Variants in TMEM163 observed in about 807,000 individuals in gnomAD.
TMEM163 encodes transmembrane protein 163.
Under a neutral mutation model 29.3 loss-of-function variants are expected in TMEM163, and 17 were observed. The ratio of observed to expected loss-of-function variants is 0.58; its 90% CI spans 0.40 to 0.87. TMEM163 has a LOEUF of 0.87. Ranked by LOEUF, TMEM163 falls within the 40% of genes least tolerant of loss-of-function variation. The pLI is 0.00. For missense variants in TMEM163, 303 were observed against 381.5 expected (o/e 0.79, Z 1.71); for synonymous variants, 157 against 160.6 (o/e 0.98, Z 0.17).
At chr2:134,631,172 T>C (rs1489593374) in intron 2 of TMEM163, among the ~76,000 whole-genome samples, 1 of 152,124 alleles carries the variant, frequency 6.6e-6, no homozygotes, top group Non-Finnish European at 1.5e-5. Flanking sequence ...GATCTTGGAC[T>C]GGGGTGGCTA....
intron 2 of TMEM163, among the ~76,000 whole-genome samples, chr2:134,615,184 G>T (rs1341597193): frequency 1.3e-5 from 2 of 152,124 alleles, no homozygotes; most frequent in Non-Finnish European, 2.9e-5. Flanking sequence ...GTTATAACAT[G>T]TCTAAACAAG....
intron 5 of TMEM163, among the ~76,000 whole-genome samples, chr2:134,498,494 TA>T (rs1366565552): frequency 2.6e-5 from 4 of 152,140 alleles, no homozygotes; most frequent in East Asian, 1.9e-4. Context: ...CTAATTTATT[TA>T]TTTTTTTTGT....
intron 5 of TMEM163, among the ~76,000 whole-genome samples, chr2:134,483,703 C>CAA (rs1679253892): frequency 6.6e-6 from 1 of 152,006 alleles, no homozygotes; most frequent in South Asian, 2.1e-4. Context: ...ATTCAAGCGC[C>CAA]CATCTGTCTG....
At chr2:134,626,707 C>T (rs1682860443) in intron 2 of TMEM163, among the ~76,000 whole-genome samples, 1 of 152,320 alleles carries the variant, frequency 6.6e-6, no homozygotes, top group Non-Finnish European at 1.5e-5. Flanking sequence ...TTCAGCCTAT[C>T]ACAAGTATTC....
intron 2 of TMEM163, among the ~76,000 whole-genome samples, chr2:134,662,707 G>A (rs1683783348): frequency 6.6e-6 from 1 of 152,200 alleles, no homozygotes; most frequent in South Asian, 2.1e-4. Flanking sequence ...TTGCTGACCT[G>A]AAATCCACCA....
intron 6 of TMEM163, among the ~76,000 whole-genome samples, chr2:134,461,774 C>T (rs1162644969): frequency 6.6e-6 from 1 of 152,226 alleles, no homozygotes; most frequent in Non-Finnish European, 1.5e-5. Flanking sequence ...CAGCCTGGCC[C>T]ACTTCAGCCT....
chr2:134,664,245 G>A (rs893558958), intron 2 of TMEM163, among the ~76,000 whole-genome samples: 23 of 152,174 alleles, frequency 1.5e-4, no homozygotes, highest in Non-Finnish European at 2.1e-4. Flanking sequence ...TCTTCCCAGC[G>A]CCTAGCTCAG....
intron 2 of TMEM163, among the ~76,000 whole-genome samples, chr2:134,649,013 A>C (rs927896143): frequency 6.6e-6 from 1 of 152,210 alleles, no homozygotes; most frequent in African/African-American, 2.4e-5. Context: ...AAATTGAAGA[A>C]AGAACTGAAT....
At chr2:134,595,318 A>C (rs1042120315) in intron 2 of TMEM163, among the ~76,000 whole-genome samples, 1 of 151,880 alleles carries the variant, frequency 6.6e-6, no homozygotes, top group Admixed American at 6.6e-5. Flanking sequence ...CCTGTGTCCA[A>C]GTGTTCTCAT....
At chr2:134,708,717 G>C (rs531109582) in intron 2 of TMEM163, among the ~76,000 whole-genome samples, 2 of 152,184 alleles carry the variant, frequency 1.3e-5, no homozygotes, top group Admixed American at 1.3e-4. Context: ...CTCCCAAGTA[G>C]CAGAGACTAC....
intron 2 of TMEM163, among the ~76,000 whole-genome samples, chr2:134,659,892 A>G (rs60331123): frequency 0.15 from 22,881 of 151,844 alleles, 2,553 homozygotes; most frequent in African/African-American, 0.32. Flanking sequence ...AGCTACAACC[A>G]CTATACTGCA....
intron 2 of TMEM163, among the ~76,000 whole-genome samples, chr2:134,594,863 CT>C: frequency 6.6e-6 from 1 of 151,376 alleles, no homozygotes; most frequent in Non-Finnish European, 1.5e-5. Context: ...CTCTCTCTCT[CT>C]CTCTCTCTCT....
intron 2 of TMEM163, among the ~76,000 whole-genome samples, chr2:134,658,515 GT>G (rs1193012159): frequency 1.3e-5 from 2 of 152,062 alleles, no homozygotes; most frequent in African/African-American, 4.8e-5. Context: ...CTATGCCCCA[GT>G]TGTCACACTC....
intron 6 of TMEM163, among the ~76,000 whole-genome samples, chr2:134,459,500 C>T (rs898976167): frequency 1.1e-5 from 1 of 92,056 alleles, no homozygotes; most frequent in South Asian, 5.1e-4. Context: ...TTGGATTGCT[C>T]CTACTGGGAT....
At chr2:134,491,464 TCAGGAAACTTGGC>T (rs140947908) in intron 5 of TMEM163, among the ~76,000 whole-genome samples, 25,200 of 152,040 alleles carry the variant, frequency 0.17, 2,266 homozygotes, top group South Asian at 0.26. Context: ...ATTTCCTCTA[TCAGGAAACTTGGC>T]CAGTTGTATT....
chr2:134,629,637 C>G (rs542657402), intron 2 of TMEM163, among the ~76,000 whole-genome samples: 1 of 152,178 alleles, frequency 6.6e-6, no homozygotes, highest in Non-Finnish European at 1.5e-5. Flanking sequence ...TCCCCCTCTC[C>G]AATCTCTGCC....
At chr2:134,584,804 AG>A (rs1681776441) in intron 2 of TMEM163, among the ~76,000 whole-genome samples, 1 of 152,218 alleles carries the variant, frequency 6.6e-6, no homozygotes, top group Non-Finnish European at 1.5e-5. Context: ...ACAATGTGCC[AG>A]GTACTAAGCT....
chr2:134,635,196 C>G (rs114304406), intron 2 of TMEM163, among the ~76,000 whole-genome samples: 1 of 152,220 alleles, frequency 6.6e-6, no homozygotes, highest in Admixed American at 6.5e-5. Context: ...CAATTACAGT[C>G]TCTGACTCCT....
At chr2:134,681,942 G>A (rs558263338) in intron 2 of TMEM163, among the ~76,000 whole-genome samples, 67 of 152,254 alleles carry the variant, frequency 4.4e-4, no homozygotes, top group African/African-American at 1.4e-3. Context: ...TTGGGGGAGG[G>A]GGACACACAT....
Sources: allele counts gnomAD v4.1 joint callset (sites outside exome capture counted in the v4.1 genomes callset), GRCh38; gene constraint gnomAD v4.1.1; transcripts MANE v1.5; gene names NCBI Gene and HGNC (gene_info 2026-07-23, HGNC 2026-07-21).